The following RBFOX1 variants were observed in gnomAD, a reference collection of about 807,000 sequenced individuals.
RBFOX1 encodes RNA binding protein fox-1 homolog 1.
Under a neutral mutation model 57.7 loss-of-function variants are expected in RBFOX1, and 8 were observed. The ratio of observed to expected loss-of-function variants is 0.14; its 90% CI spans 0.08 to 0.25. The LOEUF (loss-of-function observed/expected upper bound fraction) is 0.25, where lower values mean the gene tolerates loss of function less well. Among genes scored for constraint, RBFOX1 ranks in the 10% least tolerant of loss-of-function variants. The probability of loss-of-function intolerance (pLI) is 1.00; values close to 1 mark genes in which losing one functional copy is unlikely to be tolerated. For missense variants in RBFOX1, 611 were observed against 548.5 expected (o/e 1.11, Z -1.14); for synonymous variants, 326 against 222.4 (o/e 1.47, Z -4.15).
intron 3 of RBFOX1, among the ~76,000 whole-genome samples, chr16:6,764,502 G>A (rs953221698): frequency 6.6e-6 from 1 of 152,160 alleles, no homozygotes; most frequent in African/African-American, 2.4e-5. Flanking sequence ...TCCCACGGAT[G>A]CTTATTGAAT....
chr16:6,571,301 G>A (rs2097341260), intron 2 of RBFOX1, among the ~76,000 whole-genome samples: 1 of 152,180 alleles, frequency 6.6e-6, no homozygotes, highest in Non-Finnish European at 1.5e-5. Flanking sequence ...GGAATCCAGT[G>A]GGAGGAGCAA....
At chr16:6,962,775 A>T (rs923729415) in intron 3 of RBFOX1, among the ~76,000 whole-genome samples, 1 of 152,098 alleles carries the variant, frequency 6.6e-6, no homozygotes, top group Non-Finnish European at 1.5e-5. Flanking sequence ...TGAGGTGAAA[A>T]GATCACTTGA....
chr16:5,436,155 C>T (rs938822130), intron 1 of RBFOX1, among the ~76,000 whole-genome samples: 1 of 152,208 alleles, frequency 6.6e-6, no homozygotes, highest in Non-Finnish European at 1.5e-5. Context: ...ATTGCTCCCT[C>T]ATGCCTTTCT....
At chr16:5,643,239 G>C (rs1268694743) in intron 3 of RBFOX1, among the ~76,000 whole-genome samples, 1 of 152,178 alleles carries the variant, frequency 6.6e-6, no homozygotes, top group African/African-American at 2.4e-5. Flanking sequence ...GGTGAGCCCC[G>C]CTTTTGACCT....
chr16:5,733,264 A>G (rs917880839), intron 3 of RBFOX1, among the ~76,000 whole-genome samples: 5 of 152,136 alleles, frequency 3.3e-5, no homozygotes, highest in Admixed American at 6.5e-5. Context: ...AGAATATACA[A>G]ACGCTTCTGA....
intron 2 of RBFOX1, among the ~76,000 whole-genome samples, chr16:6,538,525 A>C (rs944110919): frequency 6.6e-6 from 1 of 152,150 alleles, no homozygotes; most frequent in Non-Finnish European, 1.5e-5. Context: ...TATGAAAATC[A>C]TGAGGAGACA....
At chr16:6,987,651 G>A (rs1362838445) in intron 3 of RBFOX1, among the ~76,000 whole-genome samples, 2 of 152,114 alleles carry the variant, frequency 1.3e-5, no homozygotes, top group Non-Finnish European at 2.9e-5. Flanking sequence ...CATGACTGGG[G>A]CCTCCACTGA....
intron 15 of RBFOX1, among the ~76,000 whole-genome samples, 167 bp downstream of exon 15, chr16:7,709,298 A>G (rs79276549): frequency 1.8e-3 from 267 of 152,288 alleles, no homozygotes; most frequent in Non-Finnish European, 2.9e-3. Flanking sequence ...AACTTGATAA[A>G]TGTCTTAATT....
intron 1 of RBFOX1, among the ~76,000 whole-genome samples, chr16:5,452,087 C>G (rs370733972): frequency 1.5e-4 from 23 of 151,276 alleles, no homozygotes; most frequent in African/African-American, 4.4e-4. Flanking sequence ...GTCTTAATTC[C>G]TGATTCTGAT....
chr16:6,145,233 G>A (rs911004142), intron 1 of RBFOX1, among the ~76,000 whole-genome samples: 9 of 151,910 alleles, frequency 5.9e-5, no homozygotes, highest in African/African-American at 1.9e-4. Flanking sequence ...TCCCCTCTAT[G>A]TGTCCATGCA....
At chr16:6,408,371 A>G (rs1025761841) in intron 2 of RBFOX1, among the ~76,000 whole-genome samples, 1 of 152,210 alleles carries the variant, frequency 6.6e-6, no homozygotes, top group East Asian at 1.9e-4. Flanking sequence ...GATGTATTTA[A>G]TGTATGATTT....
At chr16:6,388,451 T>G (rs992895407) in intron 2 of RBFOX1, among the ~76,000 whole-genome samples, 5 of 152,030 alleles carry the variant, frequency 3.3e-5, no homozygotes, top group African/African-American at 7.2e-5. Flanking sequence ...ATTTAAAACA[T>G]GTGTTTGTTT....
chr16:6,201,009 C>T lies in RBFOX1; in HGVS notation c.-126-115986C>T, dbSNP rs911362389. ...TGTGAAATCCGCATTATGCTCAAAT[C>T]GTTCCCTAGTTTTTTTAGCTCCCAC... is the stretch of plus-strand genomic sequence containing the variant. On this transcript the variant is annotated intron_variant, in intron 1 of 15. Coordinates refer to ENST00000550418, the MANE Select transcript of RBFOX1 (RefSeq NM_018723.4). Among the ~76,000 whole-genome samples the T allele has an allele frequency of 1.1e-4, 16 of 151,084 alleles. No homozygotes were observed. In the South Asian group the frequency reaches 2.3e-3, roughly 22 times the overall value.
At chr16:7,513,042 T>G (rs1379353615) in intron 4 of RBFOX1, among the ~76,000 whole-genome samples, 1 of 151,436 alleles carries the variant, frequency 6.6e-6, no homozygotes, top group East Asian at 1.9e-4. Flanking sequence ...GGCAGATGGA[T>G]CACTTGAGGC....
At position 6,392,202 on chromosome 16, in the gene RBFOX1, G is replaced by A. The variant is rs149742676; in HGVS notation, c.-64+75145G>A. 8.7e-3 allele frequency among the ~76,000 whole-genome samples: 1,329 copies of A among 152,276 alleles called. 18 individuals are homozygous for A. The highest frequency in any genetic ancestry group is 0.03 in the African/African-American group (1,260 of 41,566). ...CCGTTTCTAAAATTCGTGGCCCAACGTAGCCTTTTACTGGTTAACTCTAAG... is the reference window on the plus strand; with the variant it reads ...CCGTTTCTAAAATTCGTGGCCCAACATAGCCTTTTACTGGTTAACTCTAAG... On this transcript the variant is annotated intron_variant, in intron 2 of 15. Coordinates refer to ENST00000550418, the MANE Select transcript of RBFOX1 (RefSeq NM_018723.4).
chr16:6,045,105 G>C (rs1184934486), intron 1 of RBFOX1, among the ~76,000 whole-genome samples: 1 of 152,182 alleles, frequency 6.6e-6, no homozygotes, highest in African/African-American at 2.4e-5. Context: ...AACTAAAGCA[G>C]GGCTTCTCAA....
intron 4 of RBFOX1, among the ~76,000 whole-genome samples, chr16:6,005,775 C>T (rs973972941): frequency 6.6e-6 from 1 of 152,178 alleles, no homozygotes; most frequent in Non-Finnish European, 1.5e-5. Flanking sequence ...GCAGCTGATT[C>T]AGCCAGGAGG....
At chr16:6,496,908 C>T (rs180851999) in intron 2 of RBFOX1, among the ~76,000 whole-genome samples, 88 of 152,012 alleles carry the variant, frequency 5.8e-4, no homozygotes, top group Non-Finnish European at 1.1e-3. Context: ...TGTGGTGAGC[C>T]GAGACTACGC....
At chr16:6,529,433 C>T (rs904297855) in intron 2 of RBFOX1, among the ~76,000 whole-genome samples, 2 of 151,990 alleles carry the variant, frequency 1.3e-5, no homozygotes, top group Non-Finnish European at 2.9e-5. Context: ...GTGGCACACA[C>T]CTGTAATCCC....
Sources: gnomAD v4.1 joint callset for allele counts (sites outside exome capture counted in the v4.1 genomes callset) on GRCh38, gnomAD v4.1.1 for gene constraint, MANE v1.5 for transcripts, NCBI Gene and HGNC (gene_info 2026-07-23, HGNC 2026-07-21) for gene names.